PDE8A: variants seen among roughly 807,000 people sequenced by gnomAD.
PDE8A encodes high affinity cAMP-specific and IBMX-insensitive 3',5'-cyclic phosphodiesterase 8A.
In PDE8A, 59 loss-of-function variants were observed where a neutral mutation model predicts 105.0. That is an observed-to-expected ratio of 0.56 (90% confidence interval 0.46 to 0.70). The LOEUF (loss-of-function observed/expected upper bound fraction) is 0.70, where lower values mean the gene tolerates loss of function less well. Ranked by LOEUF, PDE8A falls within the 30% of genes least tolerant of loss-of-function variation. The pLI is 0.00. For missense variants in PDE8A, 1,014 were observed against 1,045.9 expected, an observed-to-expected ratio of 0.97 and a Z score of 0.42; for synonymous variants, 355 against 371.9, an observed-to-expected ratio of 0.95 and a Z score of 0.52.
At chr15:85,019,943 G>GTTTTTTTTTTTTTTTT (rs201634002) in intron 1 of PDE8A, among the ~76,000 whole-genome samples, 11 of 64,770 alleles carry the variant, frequency 1.7e-4, no homozygotes, top group Admixed American at 2.4e-4. Context: ...TTTTTTTTTG[G>GTTTTTTTTTTTTTTTT]TTTTTTTTTT....
intron 8 of PDE8A, among the ~76,000 whole-genome samples, chr15:85,092,378 C>T (rs980373522): frequency 6.6e-6 from 1 of 150,702 alleles, no homozygotes; most frequent in Non-Finnish European, 1.5e-5. Flanking sequence ...GGAAGGTCCT[C>T]TAGAAAGAGA....
chr15:85,129,451 T>A (rs1478109382), intron 20 of PDE8A, among the ~76,000 whole-genome samples: 3 of 152,210 alleles, frequency 2.0e-5, no homozygotes, highest in Non-Finnish European at 4.4e-5. Context: ...TCTTTATGAT[T>A]CAGTCCTGGT....
chr15:85,128,662 A>G (rs746455857), intron 20 of PDE8A, among the ~76,000 whole-genome samples: 7 of 152,276 alleles, frequency 4.6e-5, no homozygotes, highest in Non-Finnish European at 7.3e-5. Flanking sequence ...ATCCATAGAT[A>G]TATAAAGAAC....
chr15:85,025,252 A>G (rs1312344000), intron 1 of PDE8A, among the ~76,000 whole-genome samples: 1 of 152,086 alleles, frequency 6.6e-6, no homozygotes, highest in Non-Finnish European at 1.5e-5. Flanking sequence ...TTTGAACTGG[A>G]TCACTTTGCT....
rs753384472 is a variant in PDE8A at position 85,136,515 on chromosome 15, C to A, written c.2254-19C>A. The A allele has an allele frequency of 6.2e-7, 1 of 1,607,270 alleles. No individual in the cohort carries two copies. Among genetic ancestry groups the A allele is most frequent in the South Asian group, 1.1e-5 (1 of 90,206 alleles). ...GAACCAGATGTTGGGGTCTCCTGATCACATTTTCTGCTTTACAGACTGATG... is the reference window on the plus strand; with the variant it reads ...GAACCAGATGTTGGGGTCTCCTGATAACATTTTCTGCTTTACAGACTGATG... On this transcript the variant is annotated intron_variant, in intron 20 of 21. Transcript: ENST00000394553.
chr15:84,997,787 G>GT (rs2080004015), intron 1 of PDE8A, among the ~76,000 whole-genome samples: 1 of 152,008 alleles, frequency 6.6e-6, no homozygotes, highest in Non-Finnish European at 1.5e-5. Context: ...TAGAGACGGG[G>GT]TTTCTCCATG....
intron 1 of PDE8A, among the ~76,000 whole-genome samples, chr15:85,032,202 G>A (rs2080626929): frequency 6.6e-6 from 1 of 152,188 alleles, no homozygotes; most frequent in South Asian, 2.1e-4. Context: ...ACAGACAGTA[G>A]ACAATTTGCA....
intron 6 of PDE8A, among the ~76,000 whole-genome samples, chr15:85,087,153 C>G (rs1019760652): frequency 6.0e-5 from 9 of 148,862 alleles, no homozygotes; most frequent in Admixed American, 5.4e-4. Context: ...AAGCTATTGT[C>G]TTTAGTGAGA....
At chr15:85,056,744 G>A (rs186126087) in intron 1 of PDE8A, among the ~76,000 whole-genome samples, 8 of 152,298 alleles carry the variant, frequency 5.3e-5, no homozygotes, top group Admixed American at 2.6e-4. Context: ...CTTCTTTGCA[G>A]TGGGTTCAGA....
intron 8 of PDE8A, among the ~76,000 whole-genome samples, chr15:85,095,290 C>T (rs763728174): frequency 6.6e-6 from 1 of 152,108 alleles, no homozygotes; most frequent in Non-Finnish European, 1.5e-5. Flanking sequence ...CCAACCTAAT[C>T]TTCATGGTAG....
intron 12 of PDE8A, 133 bp from the exon 13 acceptor site, chr15:85,113,244 A>T: frequency 1.3e-6 from 1 of 757,672 alleles, no homozygotes. Flanking sequence ...GCTTGTTAGG[A>T]TGGGAAGGAA....
At chr15:85,093,484 G>A (rs753505029) in intron 8 of PDE8A, among the ~76,000 whole-genome samples, 3 of 152,236 alleles carry the variant, frequency 2.0e-5, no homozygotes, top group Non-Finnish European at 2.9e-5. Flanking sequence ...CAGCATTGCA[G>A]AATGGAGACT....
intron 20 of PDE8A, among the ~76,000 whole-genome samples, chr15:85,134,535 C>T (rs1465245418): frequency 3.8e-5 from 2 of 52,032 alleles, no homozygotes; most frequent in Non-Finnish European, 6.3e-5. Flanking sequence ...GCTGGGCCAG[C>T]GTTCCCCACT....
intron 1 of PDE8A, among the ~76,000 whole-genome samples, chr15:85,041,921 C>A (rs2080815522): frequency 1.3e-5 from 2 of 152,160 alleles, no homozygotes; most frequent in Admixed American, 6.5e-5. Flanking sequence ...ATATACTTAC[C>A]TCTCGTTCCA....
rs371761749 is a variant in PDE8A at position 85,057,548 on chromosome 15, A to G, written c.187-6822A>G. ...CTCCATGGGCTGCACTTACTGTCCG[A>G]CAAGCCCCAGTGAGATGAAGCCGGT... is the stretch of plus-strand genomic sequence containing the variant. On this transcript the variant is annotated intron_variant, in intron 1 of 21. Coordinates refer to ENST00000394553, the MANE Select transcript of PDE8A (RefSeq NM_002605.3). 2.8e-3 allele frequency among the ~76,000 whole-genome samples: 433 copies of G among 152,212 alleles called. 2 individuals are homozygous for G. Among genetic ancestry groups the G allele is most frequent in the African/African-American group, 1.0e-2 (415 of 41,504 alleles).
At chr15:85,037,217 G>A (rs376180848) in intron 1 of PDE8A, among the ~76,000 whole-genome samples, 3 of 151,784 alleles carry the variant, frequency 2.0e-5, no homozygotes, top group African/African-American at 4.8e-5. Flanking sequence ...AGGTGCCCAC[G>A]ACCACGCCCA....
intron 1 of PDE8A, among the ~76,000 whole-genome samples, chr15:85,053,026 G>A (rs1265356040): frequency 6.6e-6 from 1 of 152,148 alleles, no homozygotes; most frequent in Non-Finnish European, 1.5e-5. Flanking sequence ...TCCAGTTTCA[G>A]CTTTCTACAT....
intron 8 of PDE8A, among the ~76,000 whole-genome samples, chr15:85,094,615 G>T (rs536161663): frequency 1.3e-5 from 2 of 152,142 alleles, no homozygotes. Context: ...TGCTGTCTCT[G>T]CTCATGGACC....
intron 1 of PDE8A, among the ~76,000 whole-genome samples, chr15:84,987,816 G>C (rs1196659959): frequency 6.6e-6 from 1 of 152,004 alleles, no homozygotes; most frequent in Non-Finnish European, 1.5e-5. Flanking sequence ...CATGATGTGA[G>C]GACACAGGGT....
Sources: gnomAD v4.1 joint callset for allele counts (sites outside exome capture counted in the v4.1 genomes callset) on GRCh38, gnomAD v4.1.1 for gene constraint, MANE v1.5 for transcripts, NCBI Gene and HGNC (gene_info 2026-07-23, HGNC 2026-07-21) for gene names.